The following EPHA7 variants were observed in gnomAD, a reference collection of about 807,000 sequenced individuals.
EPHA7 encodes ephrin type-A receptor 7.
EPHA7 carries 25 observed loss-of-function variants against 112.6 expected under a neutral mutation model. The observed-to-expected ratio is 0.22, with a 90% CI of 0.16 to 0.31. EPHA7 has a LOEUF of 0.31. Among genes scored for constraint, EPHA7 ranks in the 10% least tolerant of loss-of-function variants. The probability of loss-of-function intolerance (pLI) is 1.00; values close to 1 mark genes in which losing one functional copy is unlikely to be tolerated. For synonymous variants in EPHA7, 437 were observed against 406.5 expected (o/e 1.07, Z -0.90); for missense variants, 962 against 1,212.6 (o/e 0.79, Z 3.07).
At chr6:93,312,072 C>T (rs1277708619) in intron 5 of EPHA7, among the ~76,000 whole-genome samples, 2 of 152,120 alleles carry the variant, frequency 1.3e-5, no homozygotes, top group African/African-American at 4.8e-5. Flanking sequence ...AGAACACAGA[C>T]AGAGTAAATT....
intron 5 of EPHA7, among the ~76,000 whole-genome samples, chr6:93,325,960 A>G (rs2127892899): frequency 6.6e-6 from 1 of 151,550 alleles, no homozygotes; most frequent in African/African-American, 2.4e-5. Flanking sequence ...CTTGCTGAGA[A>G]AAAAATGACA....
intron 5 of EPHA7, among the ~76,000 whole-genome samples, chr6:93,300,396 C>T (rs1469744508): frequency 6.6e-6 from 1 of 152,064 alleles, no homozygotes; most frequent in Admixed American, 6.6e-5. Flanking sequence ...TGTAAAAATA[C>T]AGGCATAGTA....
At chr6:93,396,218 C>T (rs933962844) in intron 3 of EPHA7, among the ~76,000 whole-genome samples, 1 of 151,826 alleles carries the variant, frequency 6.6e-6, no homozygotes, top group African/African-American at 2.4e-5. Context: ...AAATCAAAAT[C>T]TCATGCCATT....
At chr6:93,244,645 T>C (rs1769864379) in intron 16 of EPHA7, among the ~76,000 whole-genome samples, 1 of 152,062 alleles carries the variant, frequency 6.6e-6, no homozygotes, top group South Asian at 2.1e-4. Flanking sequence ...TCATAGAAAT[T>C]TCAAAAGTTG....
At chr6:93,373,999 G>A (rs962372914) in intron 3 of EPHA7, among the ~76,000 whole-genome samples, 1 of 152,002 alleles carries the variant, frequency 6.6e-6, no homozygotes, top group Non-Finnish European at 1.5e-5. Context: ...TGTATAACAT[G>A]TCAGAAGAAT....
At chr6:93,287,238 G>A (rs539566574) in intron 5 of EPHA7, among the ~76,000 whole-genome samples, 1 of 152,096 alleles carries the variant, frequency 6.6e-6, no homozygotes, top group Non-Finnish European at 1.5e-5. Context: ...CTTTCCACCT[G>A]CTGGGGAATC....
rs9445102 is a variant in EPHA7, at chr6:93,411,233, T to C, written c.163-63A>G. The C allele has an allele frequency of 7.7e-3, 10,335 of 1,344,294 alleles. 576 individuals are homozygous for C. In the African/African-American group the frequency reaches 0.13, roughly 17 times the overall value. 83.3% of individuals were successfully genotyped at this position (1,344,294 alleles called of 1,614,324 possible). A position where few individuals can be genotyped will look rare whatever the true frequency, so the allele number is the denominator to read the frequency against. ...AAAAATAACATTTTGCTTTTGAAAGTGCAAGTACTTCACAAATACAGATCT... is the reference window on the plus strand; with the variant it reads ...AAAAATAACATTTTGCTTTTGAAAGCGCAAGTACTTCACAAATACAGATCT... On this transcript the variant is annotated intron_variant, in intron 2 of 16. Coordinates refer to ENST00000369303, the MANE Select transcript of EPHA7 (RefSeq NM_004440.4).
At chr6:93,325,543 C>T (rs1244439632) in intron 5 of EPHA7, among the ~76,000 whole-genome samples, 1 of 151,214 alleles carries the variant, frequency 6.6e-6, no homozygotes, top group Non-Finnish European at 1.5e-5. Flanking sequence ...TCCTTCCCAC[C>T]TTCTACATTT....
chr6:93,308,591 G>T (rs955695586), intron 5 of EPHA7, among the ~76,000 whole-genome samples: 6 of 151,996 alleles, frequency 3.9e-5, no homozygotes, highest in African/African-American at 1.2e-4. Context: ...TCAAAGAAAA[G>T]ATATATTTGA....
intron 5 of EPHA7, among the ~76,000 whole-genome samples, chr6:93,278,341 A>G: frequency 6.6e-6 from 1 of 152,158 alleles, no homozygotes; most frequent in East Asian, 1.9e-4. Context: ...ATTTTAATAG[A>G]ATTTCTCTTA....
chr6:93,332,459 T>C (rs1774643242), intron 5 of EPHA7, among the ~76,000 whole-genome samples: 1 of 151,658 alleles, frequency 6.6e-6, no homozygotes, highest in East Asian at 1.9e-4. Flanking sequence ...CATACTTATA[T>C]TACAAATTCC....
At chr6:93,333,532 C>T (rs568307454) in intron 5 of EPHA7, among the ~76,000 whole-genome samples, 110 of 152,030 alleles carry the variant, frequency 7.2e-4, no homozygotes, top group African/African-American at 2.6e-3. Flanking sequence ...TCCAAAACCT[C>T]ACCAGCATCT....
At chr6:93,350,545 G>A (rs750772395) in intron 5 of EPHA7, among the ~76,000 whole-genome samples, 1 of 152,010 alleles carries the variant, frequency 6.6e-6, no homozygotes, top group Non-Finnish European at 1.5e-5. Flanking sequence ...TAATCTGAGT[G>A]AGTGTCATAT....
At chr6:93,362,044 G>A (rs1237237856) in intron 3 of EPHA7, among the ~76,000 whole-genome samples, 3 of 151,928 alleles carry the variant, frequency 2.0e-5, no homozygotes, top group Non-Finnish European at 4.4e-5. Context: ...TTTAATAACA[G>A]TATTTTTACA....
intron 14 of EPHA7, among the ~76,000 whole-genome samples, chr6:93,250,496 A>G (rs1770158703): frequency 6.6e-6 from 1 of 151,996 alleles, no homozygotes; most frequent in Non-Finnish European, 1.5e-5. Context: ...GGCGCACAGG[A>G]AAAAAAAGAG....
intron 5 of EPHA7, among the ~76,000 whole-genome samples, chr6:93,316,388 T>C (rs1163520831): frequency 1.3e-5 from 2 of 152,138 alleles, no homozygotes; most frequent in Non-Finnish European, 2.9e-5. Context: ...AGAATTTACT[T>C]GTAGAATCAA....
At chr6:93,253,444 A>T (rs1466085104) in intron 14 of EPHA7, among the ~76,000 whole-genome samples, 1 of 118,274 alleles carries the variant, frequency 8.5e-6, no homozygotes, top group Non-Finnish European at 1.9e-5. Flanking sequence ...CTTATCAACA[A>T]CATATAAAAC....
chr6:93,279,647 G>C (rs537626769), intron 5 of EPHA7, among the ~76,000 whole-genome samples: 79 of 152,276 alleles, frequency 5.2e-4, no homozygotes, highest in African/African-American at 1.7e-3. Context: ...TTCTAGAGCA[G>C]TGCCACTCAA....
At chr6:93,265,784 C>T (rs1770905334) in intron 7 of EPHA7, among the ~76,000 whole-genome samples, 1 of 151,634 alleles carries the variant, frequency 6.6e-6, no homozygotes, top group African/African-American at 2.4e-5. Flanking sequence ...AATACCATTC[C>T]TTCTTGTTGA....
Sources: allele counts gnomAD v4.1 joint callset (sites outside exome capture counted in the v4.1 genomes callset), GRCh38; gene constraint gnomAD v4.1.1; transcripts MANE v1.5; gene names NCBI Gene and HGNC (gene_info 2026-07-23, HGNC 2026-07-21).